Variants in PTPRK observed in about 807,000 individuals in gnomAD.
The protein encoded by PTPRK is receptor-type tyrosine-protein phosphatase kappa.
Under a neutral mutation model 178.0 loss-of-function variants are expected in PTPRK, and 75 were observed. The ratio of observed to expected loss-of-function variants is 0.42; its 90% CI spans 0.35 to 0.51. The LOEUF (loss-of-function observed/expected upper bound fraction) is 0.51, where lower values mean the gene tolerates loss of function less well. Ranked by LOEUF, PTPRK falls within the 20% of genes least tolerant of loss-of-function variation. The pLI, the probability that PTPRK is intolerant of heterozygous loss-of-function variation, is 0.02. For synonymous variants in PTPRK, 637 were observed against 620.6 expected, an observed-to-expected ratio of 1.03 and a Z score of -0.39; for missense variants, 1,441 against 1,797.8, an observed-to-expected ratio of 0.80 and a Z score of 3.59.
intron 13 of PTPRK, among the ~76,000 whole-genome samples, chr6:128,014,672 T>C (rs1779407818): frequency 6.6e-6 from 1 of 151,598 alleles, no homozygotes; most frequent in Non-Finnish European, 1.5e-5. Flanking sequence ...GAAAAACAGC[T>C]TTTAAAAAAT....
chr6:128,396,710 C>T (rs1026400301), intron 2 of PTPRK, among the ~76,000 whole-genome samples: 13 of 151,958 alleles, frequency 8.6e-5, no homozygotes, highest in African/African-American at 1.5e-4. Context: ...AGGTAAAAAA[C>T]GAAAAGATGC....
chr6:128,510,764 G>T (rs1232663296), intron 1 of PTPRK, among the ~76,000 whole-genome samples: 4 of 151,794 alleles, frequency 2.6e-5, no homozygotes, highest in African/African-American at 4.8e-5. Context: ...ACTAAGTCAG[G>T]TTTATATTTG....
chr6:128,412,931 C>A (rs1441852474), intron 1 of PTPRK, among the ~76,000 whole-genome samples: 2 of 152,180 alleles, frequency 1.3e-5, no homozygotes, highest in African/African-American at 2.4e-5. Context: ...TACATGCCCA[C>A]ACTAGGAATT....
chr6:128,180,089 T>A (rs1353226444), intron 7 of PTPRK, among the ~76,000 whole-genome samples: 5 of 152,088 alleles, frequency 3.3e-5, no homozygotes, highest in African/African-American at 1.2e-4. Context: ...GAGATGCTGC[T>A]AAAATGTCAG....
intron 3 of PTPRK, among the ~76,000 whole-genome samples, chr6:128,273,009 C>T (rs1385085120): frequency 6.6e-6 from 1 of 152,180 alleles, no homozygotes; most frequent in Non-Finnish European, 1.5e-5. Context: ...CACATATACA[C>T]CATTGAATAC....
At chr6:128,049,269 G>A (rs11962619) in intron 13 of PTPRK, among the ~76,000 whole-genome samples, 17,038 of 151,984 alleles carry the variant, frequency 0.11, 2,430 homozygotes, top group African/African-American at 0.33. Context: ...AAATCCAGAA[G>A]TTCACAGGAT....
intron 5 of PTPRK, among the ~76,000 whole-genome samples, chr6:128,239,337 C>T (rs1813952338): frequency 6.6e-6 from 1 of 152,098 alleles, no homozygotes; most frequent in African/African-American, 2.4e-5. Flanking sequence ...TAGAGCTGCT[C>T]TCAGCTCCTC....
At chr6:127,990,394 A>G (rs1776468501) in intron 21 of PTPRK, among the ~76,000 whole-genome samples, 1 of 152,034 alleles carries the variant, frequency 6.6e-6, no homozygotes, top group Non-Finnish European at 1.5e-5. Flanking sequence ...CTTTCTCAAC[A>G]ATGAGTTTTT....
chr6:128,367,624 T>C (rs1835698007), intron 2 of PTPRK, among the ~76,000 whole-genome samples: 1 of 152,172 alleles, frequency 6.6e-6, no homozygotes, highest in African/African-American at 2.4e-5. Flanking sequence ...TGATCACCTC[T>C]GACCTTTGAC....
intron 1 of PTPRK, among the ~76,000 whole-genome samples, chr6:128,461,509 C>A (rs1849050957): frequency 6.6e-6 from 1 of 151,978 alleles, no homozygotes; most frequent in Non-Finnish European, 1.5e-5. Context: ...AAGATGAAAG[C>A]ACCTGGCCAC....
intron 13 of PTPRK, among the ~76,000 whole-genome samples, chr6:128,058,346 T>A (rs1423647305): frequency 2.6e-5 from 4 of 152,186 alleles, no homozygotes; most frequent in East Asian, 1.9e-4. Context: ...TTTTTCATTT[T>A]ACTAATTTTG....
intron 1 of PTPRK, among the ~76,000 whole-genome samples, chr6:128,516,292 A>C (rs1858005616): frequency 1.3e-5 from 2 of 152,108 alleles, no homozygotes; most frequent in Non-Finnish European, 2.9e-5. Context: ...CCAATGTCCA[A>C]ACAGCAGCCA....
At chr6:128,058,611 G>A (rs1336656812) in intron 13 of PTPRK, among the ~76,000 whole-genome samples, 6 of 151,532 alleles carry the variant, frequency 4.0e-5, no homozygotes, top group African/African-American at 1.5e-4. Flanking sequence ...CTCTCATAAT[G>A]GCATCTTTTG....
At chr6:128,235,824 T>C (rs1279519978) in intron 5 of PTPRK, among the ~76,000 whole-genome samples, 1 of 152,110 alleles carries the variant, frequency 6.6e-6, no homozygotes, top group Non-Finnish European at 1.5e-5. Flanking sequence ...AATAGTAGCC[T>C]AATGCTACAT....
Position 128,184,426 on chromosome 6 carries a change from T to G in PTPRK, c.1162+6A>C. ...AAGGTAGAAAAGGTCTGCTACTCAG[T>G]CTTACCTGCACATTTTGTTCTGGTG... is the stretch of plus-strand genomic sequence containing the variant. On this transcript the variant is annotated splice_donor_region_variant and intron_variant, in intron 7 of 29. Coordinates refer to ENST00000368226, the MANE Select transcript of PTPRK (RefSeq NM_002844.4). The G allele has an allele frequency of 6.2e-7, 1 of 1,612,788 alleles. No individual in the cohort carries two copies. The highest frequency in any genetic ancestry group is 1.1e-5 in the South Asian group (1 of 91,032).
intron 7 of PTPRK, among the ~76,000 whole-genome samples, chr6:128,136,369 G>A (rs773489854): frequency 2.0e-5 from 3 of 152,140 alleles, no homozygotes; most frequent in Admixed American, 6.6e-5. Context: ...CCTGAGCTGC[G>A]CTATTTACTG....
intron 11 of PTPRK, among the ~76,000 whole-genome samples, chr6:128,076,831 T>C (rs1000870089): frequency 6.6e-6 from 1 of 152,026 alleles, no homozygotes; most frequent in Non-Finnish European, 1.5e-5. Flanking sequence ...GAGCAAATGA[T>C]TTACAAGGCT....
chr6:128,172,875 G>A (rs1398487654), intron 7 of PTPRK, among the ~76,000 whole-genome samples: 3 of 151,698 alleles, frequency 2.0e-5, no homozygotes, highest in African/African-American at 7.3e-5. Context: ...ATATTCCAAA[G>A]AATGGGCACA....
chr6:128,128,840 A>G (rs1793779567), intron 7 of PTPRK, among the ~76,000 whole-genome samples: 1 of 152,220 alleles, frequency 6.6e-6, no homozygotes. Context: ...ATACTTTTGT[A>G]CGTTCACAAG....
Sources: allele counts gnomAD v4.1 joint callset (sites outside exome capture counted in the v4.1 genomes callset), GRCh38; gene constraint gnomAD v4.1.1; transcripts MANE v1.5; gene names NCBI Gene and HGNC (gene_info 2026-07-23, HGNC 2026-07-21).